DLGAP1: variants seen among roughly 807,000 people sequenced by gnomAD.
DLGAP1 encodes DLG associated protein 1, also known as disks large-associated protein 1.
Under a neutral mutation model 90.8 loss-of-function variants are expected in DLGAP1, and 11 were observed. The observed-to-expected ratio is 0.12, with a 90% CI of 0.08 to 0.20. The LOEUF is 0.20. Ranked by LOEUF, DLGAP1 falls within the 10% of genes least tolerant of loss-of-function variation. The pLI, the probability that DLGAP1 is intolerant of heterozygous loss-of-function variation, is 1.00. For synonymous variants in DLGAP1, 558 were observed against 540.7 expected, an observed-to-expected ratio of 1.03 and a Z score of -0.44; for missense variants, 1,050 against 1,333.8, an observed-to-expected ratio of 0.79 and a Z score of 3.31.
rs555366685 is a variant in DLGAP1 at position 4,206,772 on chromosome 18, C to G, written c.-266-55485G>C. The stretch of plus-strand genomic sequence containing the variant: ...TCTAAATTCTGTTACCTTCATTCAT[C>G]TCCATCAATTTCCTGCTTGTTTCAC... On this transcript the variant is annotated intron_variant, in intron 1 of 12. Transcript: ENST00000315677. Among the ~76,000 whole-genome samples, 2 of 152,316 alleles carry G rather than the reference C, an allele frequency of 1.3e-5. 1 individual carries two copies. Among genetic ancestry groups the G allele is most frequent in the South Asian group, 4.1e-4 (2 of 4,830 alleles).
At chr18:4,243,239 C>T (rs1598708882) in intron 1 of DLGAP1, among the ~76,000 whole-genome samples, 1 of 59,520 alleles carries the variant, frequency 1.7e-5, no homozygotes, top group South Asian at 5.6e-4. Context: ...CTTAATAGTT[C>T]TTTTCGGTTA....
chr18:4,175,170 C>G (rs941404332), intron 1 of DLGAP1, among the ~76,000 whole-genome samples: 2 of 152,164 alleles, frequency 1.3e-5, no homozygotes, highest in African/African-American at 4.8e-5. Flanking sequence ...TCTCTAATGA[C>G]CAGTGATGAT....
At chr18:4,003,093 C>G (rs769510125) in intron 3 of DLGAP1, among the ~76,000 whole-genome samples, 10 of 152,168 alleles carry the variant, frequency 6.6e-5, no homozygotes, top group Non-Finnish European at 8.8e-5. Context: ...GATTCTTCAC[C>G]AGGGTGGTAG....
chr18:4,190,328 A>G (rs1003345562), intron 1 of DLGAP1, among the ~76,000 whole-genome samples: 25 of 152,120 alleles, frequency 1.6e-4, no homozygotes, highest in African/African-American at 5.8e-4. Context: ...TATAGATACA[A>G]TGAATTGATC....
intron 1 of DLGAP1, among the ~76,000 whole-genome samples, chr18:4,443,048 G>A (rs962476263): frequency 6.6e-6 from 1 of 152,184 alleles, no homozygotes; most frequent in African/African-American, 2.4e-5. Context: ...TTCAGAATGT[G>A]AAATACATAG....
At chr18:3,666,344 G>A (rs973184726) in intron 7 of DLGAP1, among the ~76,000 whole-genome samples, 1 of 151,760 alleles carries the variant, frequency 6.6e-6, no homozygotes, top group Non-Finnish European at 1.5e-5. Flanking sequence ...TTTTTCCTTG[G>A]CGGAACTCTT....
At chr18:3,723,358 A>G (rs73370547) in intron 7 of DLGAP1, among the ~76,000 whole-genome samples, 9,305 of 152,052 alleles carry the variant, frequency 0.061, 976 homozygotes, top group African/African-American at 0.21. Flanking sequence ...ATATTTGATG[A>G]CTCAGCTTGT....
At chr18:4,127,247 A>G (rs535367060) in intron 2 of DLGAP1, among the ~76,000 whole-genome samples, 9 of 152,286 alleles carry the variant, frequency 5.9e-5, no homozygotes, top group African/African-American at 1.7e-4. Flanking sequence ...AGGGTGTGGT[A>G]CCGGCTGGCT....
chr18:3,843,850 A>G (rs1235650330), intron 4 of DLGAP1, among the ~76,000 whole-genome samples: 1 of 152,160 alleles, frequency 6.6e-6, no homozygotes, highest in African/African-American at 2.4e-5. Flanking sequence ...TGACTTAGTA[A>G]ATTACAGGCA....
intron 7 of DLGAP1, among the ~76,000 whole-genome samples, chr18:3,687,815 A>C (rs1240434336): frequency 6.6e-6 from 1 of 152,208 alleles, no homozygotes; most frequent in Non-Finnish European, 1.5e-5. Context: ...GGCCGAAGTA[A>C]ACAAATGACC....
chr18:4,099,956 G>A (rs2075754697), intron 2 of DLGAP1, among the ~76,000 whole-genome samples: 1 of 152,090 alleles, frequency 6.6e-6, no homozygotes, highest in Non-Finnish European at 1.5e-5. Context: ...GGCCTCAAGT[G>A]ATCCTCCCAC....
At chr18:3,501,950 A>G (rs1001092346) in intron 12 of DLGAP1, among the ~76,000 whole-genome samples, 22 of 14,126 alleles carry the variant, frequency 1.6e-3, no homozygotes, top group African/African-American at 2.9e-3. Context: ...AACTGTTTTG[A>G]AAAAAAAAAA....
chr18:3,935,128 C>T (rs1170817581), intron 3 of DLGAP1, among the ~76,000 whole-genome samples: 1 of 147,440 alleles, frequency 6.8e-6, no homozygotes, highest in Non-Finnish European at 1.5e-5. Flanking sequence ...GTACACAATG[C>T]TTTATAACAC....
At chr18:4,204,897 TTTG>T (rs1201348294) in intron 1 of DLGAP1, among the ~76,000 whole-genome samples, 1 of 151,470 alleles carries the variant, frequency 6.6e-6, no homozygotes, top group Non-Finnish European at 1.5e-5. Flanking sequence ...TTTTTTGTGG[TTTG>T]TTTTCTTTCA....
rs541579119 is a variant in DLGAP1 at position 3,714,635 on chromosome 18, C to T, written c.1591+14500G>A. ...TAGGTTTAAAAGAATTAGCTGATTA[C>T]GTGGTTTTTTTTTTTTTTTTTTTTT... is the stretch of plus-strand genomic sequence containing the variant. On this transcript the variant is annotated intron_variant, in intron 7 of 12. Coordinates refer to ENST00000315677, the MANE Select transcript of DLGAP1 (RefSeq NM_004746.4). Among the ~76,000 whole-genome samples the T allele has an allele frequency of 2.6e-3, 356 of 135,448 alleles. 2 individuals carry two copies. Among genetic ancestry groups the T allele is most frequent in the African/African-American group, 9.7e-3 (338 of 34,742 alleles). 88.9% of individuals were successfully genotyped at this position (135,448 alleles called of 152,430 possible).
chr18:3,520,453 C>T (rs546738680), intron 10 of DLGAP1, among the ~76,000 whole-genome samples: 1 of 152,312 alleles, frequency 6.6e-6, no homozygotes, highest in East Asian at 1.9e-4. Context: ...TGTAGAATTC[C>T]TAACCTCCAG....
intron 1 of DLGAP1, among the ~76,000 whole-genome samples, chr18:4,327,327 C>T (rs1349066063): frequency 6.6e-6 from 1 of 151,710 alleles, no homozygotes; most frequent in East Asian, 1.9e-4. Context: ...ACATCCTGTA[C>T]CCCTAAATAT....
chr18:3,867,775 G>GT (rs199718458), intron 4 of DLGAP1, among the ~76,000 whole-genome samples: 3,098 of 151,540 alleles, frequency 0.02, 60 homozygotes, highest in African/African-American at 0.052. Context: ...AATAAAACTT[G>GT]TTTTTTTTTA....
At chr18:4,182,995 T>C (rs1167518045) in intron 1 of DLGAP1, among the ~76,000 whole-genome samples, 1 of 152,148 alleles carries the variant, frequency 6.6e-6, no homozygotes, top group Non-Finnish European at 1.5e-5. Context: ...CTCCTTAAAA[T>C]GGCAATTATA....
Sources: allele counts gnomAD v4.1 joint callset (sites outside exome capture counted in the v4.1 genomes callset), GRCh38; gene constraint gnomAD v4.1.1; transcripts MANE v1.5; gene names NCBI Gene and HGNC (gene_info 2026-07-23, HGNC 2026-07-21).